The following CRYZL1 variants were observed in gnomAD, a reference collection of about 807,000 sequenced individuals.
The protein encoded by CRYZL1 is ferry endosomal RAB5 effector complex subunit 4.
Under a neutral mutation model 50.6 loss-of-function variants are expected in CRYZL1, and 34 were observed. That is an observed-to-expected ratio of 0.67 (90% CI 0.51 to 0.89). The LOEUF is 0.89. Among genes scored for constraint, CRYZL1 ranks in the 40% least tolerant of loss-of-function variants. The pLI, the probability that CRYZL1 is intolerant of heterozygous loss-of-function variation, is 0.00. For missense variants in CRYZL1, 354 were observed against 402.3 expected (o/e 0.88, Z 1.03); for synonymous variants, 125 against 134.3 (o/e 0.93, Z 0.48).
chr21:33,604,219 G>A (rs1481495902), intron 6 of CRYZL1, among the ~76,000 whole-genome samples: 1 of 152,228 alleles, frequency 6.6e-6, no homozygotes, highest in East Asian at 1.9e-4. Flanking sequence ...GCCAGGCGTG[G>A]TGGCGGGCGC....
chr21:33,591,275 G>A, intron 11 of CRYZL1, 68 bp from the exon 12 acceptor site: 2 of 1,292,176 alleles, frequency 1.5e-6, no homozygotes, highest in Non-Finnish European at 2.2e-6. Context: ...ATAAGCAGAG[G>A]ATGCCAGGCA....
In CRYZL1 at chr21:33,602,261, A is replaced by G. The variant is rs772633368; in HGVS notation, c.550T>C (p.Cys184Arg). ...ATGGGAGGTCTGAATCTTTCAAGGC[A>G]CTGCTTATCTTCAAGGCTGCATGCT... is the stretch of plus-strand genomic sequence containing the variant. ...STACSLEDKQ[C>R]LERFRPPIAR... Residue 184 changes from cysteine (C) to arginine (R), a missense_variant, in exon 8 of 13, where the codon TGC becomes CGC. Transcript: ENST00000381554. 6 of 1,607,050 alleles carry G rather than the reference A, an allele frequency of 3.7e-6. No individual in the cohort carries two copies. The East Asian group carries it at 1.1e-4, about 30-fold the overall frequency.
At chr21:33,626,079 G>A (rs892812606) in intron 2 of CRYZL1, among the ~76,000 whole-genome samples, 1 of 152,012 alleles carries the variant, frequency 6.6e-6, no homozygotes, top group Admixed American at 6.5e-5. Context: ...TCAGCCTCCT[G>A]AGTAGCTGGG....
intron 1 of CRYZL1, among the ~76,000 whole-genome samples, chr21:33,632,400 T>C (rs2087150674): frequency 6.6e-6 from 1 of 152,098 alleles, no homozygotes; most frequent in Non-Finnish European, 1.5e-5. Context: ...TTTTTTTAGA[T>C]GGAGTCTCGC....
At chr21:33,599,412 A>G in intron 8 of CRYZL1, 164 bp from the exon 9 acceptor site, 1 of 956,442 alleles carries the variant, frequency 1.0e-6, no homozygotes, top group Non-Finnish European at 1.6e-6. Flanking sequence ...TTTAAATTAT[A>G]CTTTTTCTCA....
chr21:33,614,090 T>C (rs2086901515), intron 5 of CRYZL1, among the ~76,000 whole-genome samples: 2 of 150,944 alleles, frequency 1.3e-5, no homozygotes, highest in African/African-American at 2.4e-5. Context: ...GAGAATCGCT[T>C]GAACCTGGGA....
chr21:33,599,065 A>G, intron 9 of CRYZL1, 85 bp downstream of exon 9: 4 of 1,214,716 alleles, frequency 3.3e-6, no homozygotes, highest in Non-Finnish European at 4.7e-6. Flanking sequence ...AAGTGCATTA[A>G]TAATTATGCC....
chr21:33,625,345 C>A (rs183411522), intron 2 of CRYZL1, among the ~76,000 whole-genome samples: 2 of 151,796 alleles, frequency 1.3e-5, no homozygotes, highest in East Asian at 3.9e-4. Flanking sequence ...TCAGTAGAGA[C>A]GGGGTTTCAC....
chr21:33,641,458 A>C (rs1290774280), intron 1 of CRYZL1, among the ~76,000 whole-genome samples: 1 of 152,176 alleles, frequency 6.6e-6, no homozygotes, highest in Admixed American at 6.5e-5. Context: ...GATAAGACCT[A>C]CAATCAAAAC....
At chr21:33,638,937 GTTCTC>G (rs1160130189) in intron 1 of CRYZL1, among the ~76,000 whole-genome samples, 1 of 152,204 alleles carries the variant, frequency 6.6e-6, no homozygotes, top group Non-Finnish European at 1.5e-5. Context: ...TGACCATTTA[GTTCTC>G]TTCTAATTGT....
chr21:33,628,025 G>A (rs1368052257), intron 2 of CRYZL1, among the ~76,000 whole-genome samples: 2 of 152,110 alleles, frequency 1.3e-5, no homozygotes, highest in East Asian at 1.9e-4. Flanking sequence ...GATTATAGGC[G>A]TAAGCCACCG....
At chr21:33,615,004 T>C (rs144084341) in intron 5 of CRYZL1, among the ~76,000 whole-genome samples, 3 of 152,154 alleles carry the variant, frequency 2.0e-5, no homozygotes, top group African/African-American at 4.8e-5. Context: ...AAGAAAGAAA[T>C]AATCAATTCT....
intron 6 of CRYZL1, among the ~76,000 whole-genome samples, chr21:33,608,744 T>C (rs1337117721): frequency 7.2e-5 from 11 of 152,220 alleles, no homozygotes; most frequent in Admixed American, 7.2e-4. Context: ...ATTGTGTATA[T>C]CTATATCATA....
intron 5 of CRYZL1, 61 bp downstream of exon 5, chr21:33,616,645 G>T: frequency 1.2e-6 from 2 of 1,600,392 alleles, no homozygotes; most frequent in Non-Finnish European, 1.7e-6. Context: ...TAGTTATATA[G>T]AAAAAACAGA....
intron 1 of CRYZL1, among the ~76,000 whole-genome samples, chr21:33,637,769 A>G (rs1191906311): frequency 2.1e-5 from 3 of 144,726 alleles, no homozygotes; most frequent in African/African-American, 7.8e-5. Context: ...ACATATATAT[A>G]TATATATATA....
chr21:33,629,417 A>G (rs1256735571), intron 2 of CRYZL1, among the ~76,000 whole-genome samples: 1 of 152,124 alleles, frequency 6.6e-6, no homozygotes, highest in African/African-American at 2.4e-5. Flanking sequence ...GCACGCCACC[A>G]CACCCGGCTA....
intron 11 of CRYZL1, among the ~76,000 whole-genome samples, chr21:33,594,217 G>T (rs567712746): frequency 1.7e-4 from 25 of 149,432 alleles, no homozygotes; most frequent in African/African-American, 6.2e-4. Context: ...GCAGTGGCGC[G>T]ATCTCAGCTC....
At chr21:33,600,976 G>T (rs1601329047) in intron 8 of CRYZL1, among the ~76,000 whole-genome samples, 1 of 95,428 alleles carries the variant, frequency 1.0e-5, no homozygotes, top group Non-Finnish European at 1.9e-5. Context: ...TCGCTCTGTT[G>T]CCCAGGCTGG....
chr21:33,606,954 TG>T (rs1313704711), intron 6 of CRYZL1, among the ~76,000 whole-genome samples: 5 of 152,256 alleles, frequency 3.3e-5, no homozygotes, highest in Middle Eastern at 3.4e-3. Context: ...GAGGTTGCAG[TG>T]AGCTGAGATC....
Sources: gnomAD v4.1 joint callset for allele counts (sites outside exome capture counted in the v4.1 genomes callset) on GRCh38, gnomAD v4.1.1 for gene constraint, MANE v1.5 for transcripts, NCBI Gene and HGNC (gene_info 2026-07-23, HGNC 2026-07-21) for gene names.